Variants in RYR2 observed in about 807,000 individuals in gnomAD.
The protein encoded by RYR2 is ryanodine receptor 2.
RYR2 carries 227 observed loss-of-function variants against 601.1 expected under a neutral mutation model. That is an observed-to-expected ratio of 0.38 (90% CI 0.34 to 0.42). The LOEUF (loss-of-function observed/expected upper bound fraction) is 0.42. RYR2 is among the 10% of genes least tolerant of loss of function. The pLI is 1.00. For missense variants in RYR2, 4,646 were observed against 6,156.5 expected, an observed-to-expected ratio of 0.75 and a Z score of 8.21; for synonymous variants, 2,223 against 2,175.1, an observed-to-expected ratio of 1.02 and a Z score of -0.61.
intron 86 of RYR2, 58 bp downstream of exon 86, chr1:237,772,158 G>C: frequency 1.1e-6 from 1 of 923,044 alleles, no homozygotes; most frequent in Non-Finnish European, 1.7e-6. Context: ...GAAACAATAC[G>C]GCAGAGTTTT....
Position 237,736,768 on chromosome 1 carries a change from T to G in RYR2, c.11091+3012T>G, listed in dbSNP as rs761630609. Among the ~76,000 whole-genome samples, 7 of 152,218 alleles carry G rather than the reference T, an allele frequency of 4.6e-5. No homozygotes were observed. In the East Asian group the frequency reaches 1.4e-3, roughly 29 times the overall value. On this transcript the variant is annotated intron_variant, in intron 79 of 104. Transcript: ENST00000366574. ...CTCACGGACTGTGAAGGAAGCCTGGTTTATTTTAGGCTGTTGTCTACGAAT... is the reference window on the plus strand; with the variant it reads ...CTCACGGACTGTGAAGGAAGCCTGGGTTATTTTAGGCTGTTGTCTACGAAT...
At chr1:237,091,702 G>A (rs951133102) in intron 1 of RYR2, among the ~76,000 whole-genome samples, 2 of 152,236 alleles carry the variant, frequency 1.3e-5, no homozygotes, top group African/African-American at 2.4e-5. Flanking sequence ...TGGGATTACA[G>A]GCGTGAGCCA....
At chr1:237,791,905 G>C (rs1263568870) in intron 93 of RYR2, 200 bp from the exon 94 acceptor site, 1 of 592,318 alleles carries the variant, frequency 1.7e-6, no homozygotes, top group Non-Finnish European at 3.0e-6. Context: ...GGTTGAATAA[G>C]AATGAATTTT....
intron 25 of RYR2, among the ~76,000 whole-genome samples, chr1:237,544,902 T>A (rs1669640981): frequency 6.6e-6 from 1 of 152,192 alleles, no homozygotes; most frequent in Admixed American, 6.5e-5. Flanking sequence ...ATTTCATAGA[T>A]GTTCATGTTT....
chr1:237,654,520 A>G (rs1683060598), intron 52 of RYR2, 106 bp downstream of exon 52: 1 of 1,097,340 alleles, frequency 9.1e-7, no homozygotes, highest in South Asian at 1.8e-5. Flanking sequence ...GCTAACCAAG[A>G]CACGTATGGC....
chr1:237,400,872 G>A (rs757234716), intron 10 of RYR2, among the ~76,000 whole-genome samples: 10 of 152,166 alleles, frequency 6.6e-5, no homozygotes, highest in Non-Finnish European at 1.2e-4. Context: ...CAGTTGCAAT[G>A]TCTGAAGGGC....
At chr1:237,830,668 TA>T in intron 103 of RYR2, 38 bp downstream of exon 103, 1 of 1,006,482 alleles carries the variant, frequency 9.9e-7, no homozygotes, top group Non-Finnish European at 1.6e-6. Context: ...ACCTCTCCAG[TA>T]GACGCCACTG....
At chr1:237,346,445 T>C (rs768872520) in intron 3 of RYR2, among the ~76,000 whole-genome samples, 1 of 151,736 alleles carries the variant, frequency 6.6e-6, no homozygotes, top group Non-Finnish European at 1.5e-5. Context: ...ACATGAACTG[T>C]TCCTATTCTA....
At position 237,168,562 on chromosome 1, in the gene RYR2, G is replaced by A. The variant is rs377627298; in HGVS notation, c.49-101935G>A. 2.0e-5 allele frequency among the ~76,000 whole-genome samples: 3 copies of A among 152,074 alleles called. No individual in the cohort carries two copies. The East Asian group carries it at 5.8e-4, about 29-fold the overall frequency. On this transcript the variant is annotated intron_variant, in intron 1 of 104. Coordinates refer to ENST00000366574, the MANE Select transcript of RYR2 (RefSeq NM_001035.3). ...CTCTTTTCCTGCCTTTCGCCGAGAG[G>A]AATATCCGTGTTTCCTGAGGATGGG...
chr1:237,771,807 T>A (rs1388391091), intron 85 of RYR2, among the ~76,000 whole-genome samples: 1 of 152,148 alleles, frequency 6.6e-6, no homozygotes, highest in Non-Finnish European at 1.5e-5. Flanking sequence ...TGAATATTGA[T>A]CATCAATGGA....
At chr1:237,147,312 A>C (rs1674112685) in intron 1 of RYR2, among the ~76,000 whole-genome samples, 1 of 152,148 alleles carries the variant, frequency 6.6e-6, no homozygotes, top group Admixed American at 6.5e-5. Context: ...TTTTGATAAA[A>C]TTCCCTATTT....
At chr1:237,227,034 A>G (rs538646825) in intron 1 of RYR2, among the ~76,000 whole-genome samples, 3 of 152,146 alleles carry the variant, frequency 2.0e-5, no homozygotes, top group Admixed American at 1.3e-4. Context: ...AAGCCTCCCA[A>G]AGTGCTGGGA....
At chr1:237,257,791 T>C (rs573700967) in intron 1 of RYR2, among the ~76,000 whole-genome samples, 1 of 152,066 alleles carries the variant, frequency 6.6e-6, no homozygotes, top group Non-Finnish European at 1.5e-5. Flanking sequence ...AGAGGGCTAA[T>C]AAGGTAAGAC....
chr1:237,724,554 G>T (rs138314591), intron 74 of RYR2, among the ~76,000 whole-genome samples: 2 of 151,510 alleles, frequency 1.3e-5, no homozygotes, highest in African/African-American at 4.8e-5. Context: ...ATATATTTAC[G>T]TTATCTAATA....
rs727505215 is a variant in RYR2 at position 237,566,577 on chromosome 1, C to T, written c.3225C>T (p.Ala1075=). Residue 1075 remains alanine (A), a synonymous_variant, in exon 28 of 105, where the codon GCC becomes GCT. Coordinates refer to ENST00000366574, the MANE Select transcript of RYR2 (RefSeq NM_001035.3). ...EAPDQDHAAR[A]EVCSGTGERF... is the part of the protein sequence containing the mutation. ...CTGTCCATTTCCCAGCAGCCAGAGC[C>T]GAAGTGTGCAGCGGCACCGGGGAAA... 6.3e-5 allele frequency: 102 copies of T among 1,613,540 alleles called. No homozygotes were observed. Among genetic ancestry groups the T allele is most frequent in the African/African-American group, 4.3e-4 (32 of 74,900 alleles).
At chr1:237,732,276 A>T (rs1690760032) in intron 78 of RYR2, 127 bp downstream of exon 78, 5 of 531,680 alleles carry the variant, frequency 9.4e-6, no homozygotes, top group African/African-American at 3.8e-5. Context: ...AATTGTTCAA[A>T]GATAACAACC....
intron 35 of RYR2, 31 bp downstream of exon 35, chr1:237,602,142 G>A: frequency 6.5e-7 from 1 of 1,540,482 alleles, no homozygotes; most frequent in Non-Finnish European, 8.9e-7. Context: ...TATTGTATTT[G>A]TATTTTTTCT....
In RYR2 at chr1:237,586,756, G is replaced by A. The variant is rs185564212; in HGVS notation, c.3599-3037G>A. 2.7e-3 allele frequency among the ~76,000 whole-genome samples: 405 copies of A among 151,674 alleles called. 3 individuals carry two copies. The highest frequency in any genetic ancestry group is 8.9e-3 in the African/African-American group (368 of 41,326). On this transcript the variant is annotated intron_variant, in intron 29 of 104. Transcript: ENST00000366574. Reference sequence around the variant, plus strand: ...TTTTTTTGAGACGGAGTCTTGCTCTGTCGCCCAGGCTGGTGTGTGGTGGTG... The same window carrying A: ...TTTTTTTGAGACGGAGTCTTGCTCTATCGCCCAGGCTGGTGTGTGGTGGTG...
Position 237,352,176 on chromosome 1 carries a change from A to C in RYR2, c.274-3789A>C, listed in dbSNP as rs536050002. ...CTATCAAATGCAAAACTGGTGAAAT[A>C]TTGAATTCTTTCAAGGCAGTGTTGA... is the stretch of plus-strand genomic sequence containing the variant. On this transcript the variant is annotated intron_variant, in intron 3 of 104. Coordinates refer to ENST00000366574, the MANE Select transcript of RYR2 (RefSeq NM_001035.3). Among the ~76,000 whole-genome samples the C allele has an allele frequency of 1.1e-4, 16 of 152,236 alleles. No individual in the cohort carries two copies. The South Asian group carries it at 2.7e-3, about 26-fold the overall frequency.
Sources: allele counts gnomAD v4.1 joint callset (sites outside exome capture counted in the v4.1 genomes callset), GRCh38; gene constraint gnomAD v4.1.1; transcripts MANE v1.5; gene names NCBI Gene and HGNC (gene_info 2026-07-23, HGNC 2026-07-21).